KDM4B: variants seen among roughly 807,000 people sequenced by gnomAD.
The protein encoded by KDM4B is lysine demethylase 4B.
Under a neutral mutation model 125.2 loss-of-function variants are expected in KDM4B, and 32 were observed. That is an observed-to-expected ratio of 0.26 (90% confidence interval 0.19 to 0.34). The LOEUF (loss-of-function observed/expected upper bound fraction) is 0.34, where lower values mean the gene tolerates loss of function less well. KDM4B is among the 10% of genes least tolerant of loss of function. The pLI, the probability that KDM4B is intolerant of heterozygous loss-of-function variation, is 1.00. For synonymous variants in KDM4B, 721 were observed against 677.9 expected (o/e 1.06, Z -0.99); for missense variants, 1,190 against 1,577.7 (o/e 0.75, Z 4.16).
intron 9 of KDM4B, among the ~76,000 whole-genome samples, chr19:5,096,128 C>T: frequency 6.6e-6 from 1 of 151,558 alleles, no homozygotes; most frequent in Non-Finnish European, 1.5e-5. Context: ...CACTGTCACC[C>T]AGGCTGGAGT....
chr19:5,083,038 G>A (rs2038352717), intron 9 of KDM4B, among the ~76,000 whole-genome samples: 1 of 152,166 alleles, frequency 6.6e-6, no homozygotes, highest in South Asian at 2.1e-4. Context: ...CTTCCTGCTG[G>A]TGGGGTCCCT....
intron 1 of KDM4B, among the ~76,000 whole-genome samples, 172 bp from the exon 2 acceptor site, chr19:5,016,084 TA>T (rs1354954073): frequency 6.6e-6 from 1 of 152,142 alleles, no homozygotes; most frequent in Non-Finnish European, 1.5e-5. Context: ...CTTGACTGGG[TA>T]AAGTGCTTAT....
chr19:5,126,911 C>G (rs1006149031), intron 11 of KDM4B, among the ~76,000 whole-genome samples: 1 of 152,192 alleles, frequency 6.6e-6, no homozygotes, highest in South Asian at 2.1e-4. Flanking sequence ...TCGGCAGCCT[C>G]GGAGCAGGAA....
intron 1 of KDM4B, among the ~76,000 whole-genome samples, chr19:4,972,098 C>G (rs2034280338): frequency 6.6e-6 from 1 of 152,208 alleles, no homozygotes; most frequent in Non-Finnish European, 1.5e-5. Context: ...AGCCCTCCCC[C>G]TTCCTGCCCC....
intron 1 of KDM4B, among the ~76,000 whole-genome samples, chr19:4,993,999 T>G (rs2035112085): frequency 6.6e-6 from 1 of 151,104 alleles, no homozygotes; most frequent in African/African-American, 2.4e-5. Context: ...GTTACACGTT[T>G]AATTTTTATA....
At chr19:5,135,705 T>C in intron 15 of KDM4B, 144 bp downstream of exon 15, 1 of 674,372 alleles carries the variant, frequency 1.5e-6, no homozygotes, top group Non-Finnish European at 2.5e-6. Context: ...GGCAGGGGCC[T>C]CCCCCGGTGA....
intron 1 of KDM4B, among the ~76,000 whole-genome samples, chr19:4,982,253 C>G (rs1299671980): frequency 6.6e-6 from 1 of 150,706 alleles, no homozygotes. Context: ...GATTGCACCA[C>G]TGTACTCCAG....
chr19:4,996,792 T>C (rs1447882865), intron 1 of KDM4B, among the ~76,000 whole-genome samples: 1 of 152,152 alleles, frequency 6.6e-6, no homozygotes, highest in Non-Finnish European at 1.5e-5. Context: ...ATGTTTTTTT[T>C]CTTGACTTAA....
At chr19:5,073,547 C>T (rs1474366496) in intron 7 of KDM4B, among the ~76,000 whole-genome samples, 1 of 152,262 alleles carries the variant, frequency 6.6e-6, no homozygotes, top group African/African-American at 2.4e-5. Context: ...CTGTCCCCTC[C>T]CTTCTCACCC....
At chr19:5,080,057 C>T (rs1380554662) in intron 8 of KDM4B, among the ~76,000 whole-genome samples, 1 of 152,242 alleles carries the variant, frequency 6.6e-6, no homozygotes, top group African/African-American at 2.4e-5. Flanking sequence ...GTTCCCCCCC[C>T]ACCCCTATTT....
At chr19:5,121,679 TAAGA>T (rs1180456720) in intron 11 of KDM4B, among the ~76,000 whole-genome samples, 1 of 152,056 alleles carries the variant, frequency 6.6e-6, no homozygotes, top group East Asian at 1.9e-4. Context: ...TTTTTGGAAA[TAAGA>T]AAGAATTCCT....
chr19:4,988,469 G>A (rs1042737006), intron 1 of KDM4B, among the ~76,000 whole-genome samples: 1 of 152,000 alleles, frequency 6.6e-6, no homozygotes, highest in South Asian at 2.1e-4. Context: ...TAGAGACGGG[G>A]TTTCACCATG....
rs139803797 is a variant in KDM4B at position 5,129,697 on chromosome 19, G to A, written c.1316-1379G>A. On this transcript the variant is annotated intron_variant, in intron 11 of 22. Coordinates refer to ENST00000159111, the MANE Select transcript of KDM4B (RefSeq NM_015015.3). ...CAAGAATCCCTTGGATATCAACCAC[G>A]GTTCCTCCTTCCAGAATGTCCCAAG... 8.4e-3 allele frequency among the ~76,000 whole-genome samples: 1,283 copies of A among 152,292 alleles called. 15 individuals carry two copies. The highest frequency in any genetic ancestry group is 0.012 in the Non-Finnish European group (849 of 68,020).
intron 11 of KDM4B, among the ~76,000 whole-genome samples, chr19:5,124,250 C>T (rs1451846190): frequency 6.6e-6 from 1 of 152,088 alleles, no homozygotes. Context: ...TTGATGGACC[C>T]TTCAGGAGGG....
chr19:5,000,007 A>G (rs1186836608), intron 1 of KDM4B, among the ~76,000 whole-genome samples: 5 of 100,600 alleles, frequency 5.0e-5, no homozygotes, highest in Admixed American at 1.2e-4. Context: ...CCACCCACCA[A>G]CCTATCCATC....
chr19:5,117,046 C>G (rs1195957051), intron 10 of KDM4B, among the ~76,000 whole-genome samples: 1 of 152,152 alleles, frequency 6.6e-6, no homozygotes, highest in Non-Finnish European at 1.5e-5. Context: ...GCTGTGCCCC[C>G]CTTGCTGTGT....
At chr19:5,083,373 G>A (rs2048754607) in intron 9 of KDM4B, among the ~76,000 whole-genome samples, 1 of 152,218 alleles carries the variant, frequency 6.6e-6, no homozygotes, top group Non-Finnish European at 1.5e-5. Context: ...CAGTGACGGG[G>A]ACGTGGACGG....
intron 10 of KDM4B, among the ~76,000 whole-genome samples, chr19:5,118,517 G>A (rs2039299544): frequency 1.3e-5 from 2 of 152,156 alleles, no homozygotes; most frequent in African/African-American, 4.8e-5. Flanking sequence ...CACATGCCCA[G>A]GGGAGGCACT....
At chr19:5,064,893 G>A (rs1308289381) in intron 6 of KDM4B, among the ~76,000 whole-genome samples, 3 of 152,234 alleles carry the variant, frequency 2.0e-5, no homozygotes, top group Non-Finnish European at 2.9e-5. Context: ...ACTTTGCCCC[G>A]ATCTCGGGTT....
Sources: gnomAD v4.1 joint callset for allele counts (sites outside exome capture counted in the v4.1 genomes callset) on GRCh38, gnomAD v4.1.1 for gene constraint, MANE v1.5 for transcripts, NCBI Gene and HGNC (gene_info 2026-07-23, HGNC 2026-07-21) for gene names.